The following SUPT3H variants were observed in gnomAD, a reference collection of about 807,000 sequenced individuals.
SUPT3H encodes transcription initiation protein SPT3 homolog.
SUPT3H carries 44 observed loss-of-function variants against 44.3 expected under a neutral mutation model. The observed-to-expected ratio is 0.99, with a 90% CI of 0.78 to 1.28. SUPT3H has a LOEUF of 1.28. Ranked by LOEUF, SUPT3H falls within the 50% of genes most tolerant of loss-of-function variation. The pLI is 0.00. For missense variants in SUPT3H, 380 were observed against 387.1 expected (o/e 0.98, Z 0.15); for synonymous variants, 124 against 125.6 (o/e 0.99, Z 0.09).
chr6:44,906,590 G>A (rs1013925941), intron 10 of SUPT3H, among the ~76,000 whole-genome samples: 2 of 152,062 alleles, frequency 1.3e-5, no homozygotes, highest in Admixed American at 1.3e-4. Context: ...TGTGAAACCC[G>A]TCTCTAATAA....
intron 1 of SUPT3H, among the ~76,000 whole-genome samples, chr6:45,365,571 C>T (rs766541306): frequency 6.6e-6 from 1 of 150,820 alleles, no homozygotes; most frequent in African/African-American, 2.4e-5. Context: ...AATGTAAAAA[C>T]AGTATTTATT....
intron 2 of SUPT3H, among the ~76,000 whole-genome samples, chr6:45,291,699 G>C (rs1263018965): frequency 6.6e-6 from 1 of 152,158 alleles, no homozygotes; most frequent in Non-Finnish European, 1.5e-5. Flanking sequence ...AAAATTCAGA[G>C]CTTGAAGACA....
intron 2 of SUPT3H, among the ~76,000 whole-genome samples, chr6:45,348,622 C>T (rs1157833477): frequency 6.7e-6 from 1 of 149,872 alleles, no homozygotes; most frequent in Non-Finnish European, 1.5e-5. Flanking sequence ...TTGCAGTGAG[C>T]CAAGATCCCA....
chr6:45,080,583 A>G (rs1227983771), intron 3 of SUPT3H, among the ~76,000 whole-genome samples: 3 of 152,150 alleles, frequency 2.0e-5, no homozygotes, highest in Non-Finnish European at 4.4e-5. Context: ...TACGCAATGA[A>G]GTACTATTCA....
chr6:44,923,066 C>A (rs548375972), intron 10 of SUPT3H, among the ~76,000 whole-genome samples: 2 of 152,198 alleles, frequency 1.3e-5, no homozygotes, highest in South Asian at 4.1e-4. Flanking sequence ...TTAGAATATT[C>A]CACTCAAAAG....
chr6:44,930,350 C>T (rs1770370012), intron 10 of SUPT3H, among the ~76,000 whole-genome samples: 2 of 151,174 alleles, frequency 1.3e-5, no homozygotes, highest in African/African-American at 4.9e-5. Flanking sequence ...CACTGCATTC[C>T]AGCCTGGGTG....
intron 2 of SUPT3H, among the ~76,000 whole-genome samples, chr6:45,317,742 G>A (rs1784919572): frequency 6.6e-6 from 1 of 152,082 alleles, no homozygotes; most frequent in East Asian, 1.9e-4. Context: ...GCTGCTAGAA[G>A]AAAACAGAGG....
intron 10 of SUPT3H, among the ~76,000 whole-genome samples, chr6:44,893,086 T>C (rs1377465213): frequency 6.6e-6 from 1 of 152,036 alleles, no homozygotes; most frequent in Non-Finnish European, 1.5e-5. Context: ...TTTGGACAAA[T>C]GTTGACTCAA....
intron 2 of SUPT3H, among the ~76,000 whole-genome samples, chr6:45,274,290 C>T (rs1776672583): frequency 1.3e-5 from 2 of 152,108 alleles, no homozygotes; most frequent in South Asian, 4.1e-4. Context: ...CTTTTAATTA[C>T]AATGATGTCC....
intron 2 of SUPT3H, among the ~76,000 whole-genome samples, chr6:45,129,907 C>T (rs1037122968): frequency 1.3e-5 from 2 of 151,958 alleles, no homozygotes; most frequent in Non-Finnish European, 2.9e-5. Context: ...AGTCAAAACA[C>T]ACACAAAAAA....
intron 2 of SUPT3H, among the ~76,000 whole-genome samples, chr6:45,192,108 T>C (rs1815240954): frequency 6.6e-6 from 1 of 152,110 alleles, no homozygotes; most frequent in Non-Finnish European, 1.5e-5. Context: ...AGTCCAGTAC[T>C]CCCATTCTCT....
intron 1 of SUPT3H, among the ~76,000 whole-genome samples, chr6:45,373,942 A>G (rs867136400): frequency 3.2e-4 from 49 of 152,326 alleles, no homozygotes; most frequent in African/African-American, 9.1e-4. Flanking sequence ...AAATTTACAC[A>G]ACAATTTTTG....
At chr6:44,998,647 T>TA (rs1426610085) in intron 6 of SUPT3H, among the ~76,000 whole-genome samples, 3 of 151,922 alleles carry the variant, frequency 2.0e-5, no homozygotes, top group African/African-American at 7.2e-5. Flanking sequence ...ACCAACCTAA[T>TA]ACTTATTTTT....
chr6:45,002,627 T>C (rs1252363111), intron 6 of SUPT3H, among the ~76,000 whole-genome samples: 1 of 152,104 alleles, frequency 6.6e-6, no homozygotes, highest in Non-Finnish European at 1.5e-5. Context: ...AGCATGTTTT[T>C]GGCCCAAGGC....
intron 2 of SUPT3H, among the ~76,000 whole-genome samples, chr6:45,249,405 T>C (rs1771961113): frequency 1.3e-5 from 2 of 152,162 alleles, no homozygotes; most frequent in African/African-American, 4.8e-5. Context: ...ATTACTAGTC[T>C]TTTTATTTTA....
chr6:45,210,977 C>T (rs1763995144), intron 2 of SUPT3H, among the ~76,000 whole-genome samples: 1 of 152,170 alleles, frequency 6.6e-6, no homozygotes, highest in Non-Finnish European at 1.5e-5. Context: ...GAACAAGCCT[C>T]TTTCAAGCAC....
intron 10 of SUPT3H, among the ~76,000 whole-genome samples, chr6:44,901,436 A>G (rs1027561853): frequency 6.6e-6 from 1 of 152,242 alleles, no homozygotes; most frequent in Non-Finnish European, 1.5e-5. Context: ...ATGGAAGATC[A>G]AATGAATGAA....
intron 3 of SUPT3H, among the ~76,000 whole-genome samples, chr6:45,061,526 A>G (rs1792028458): frequency 6.6e-6 from 1 of 152,172 alleles, no homozygotes; most frequent in South Asian, 2.1e-4. Flanking sequence ...TGATCTGTGC[A>G]GCAAACCACC....
chr6:45,224,097 T>C (rs1011188633), intron 2 of SUPT3H, among the ~76,000 whole-genome samples: 2 of 150,790 alleles, frequency 1.3e-5, no homozygotes, highest in Middle Eastern at 3.5e-3. Flanking sequence ...CAATATATTT[T>C]CAGTTAGAAT....
Sources: allele counts gnomAD v4.1 joint callset (sites outside exome capture counted in the v4.1 genomes callset), GRCh38; gene constraint gnomAD v4.1.1; transcripts MANE v1.5; gene names NCBI Gene and HGNC (gene_info 2026-07-23, HGNC 2026-07-21).